SCFD2: variants seen among roughly 807,000 people sequenced by gnomAD.
The protein encoded by SCFD2 is sec1 family domain containing 2.
SCFD2 carries 54 observed loss-of-function variants against 58.9 expected under a neutral mutation model. The observed-to-expected ratio is 0.92, with a 90% CI of 0.74 to 1.15. The LOEUF (loss-of-function observed/expected upper bound fraction) is 1.15, where lower values mean the gene tolerates loss of function less well. SCFD2 is among the 50% of genes most tolerant of loss of function. The pLI is 0.00. For synonymous variants in SCFD2, 321 were observed against 335.9 expected, an observed-to-expected ratio of 0.96 and a Z score of 0.49; for missense variants, 805 against 836.6, an observed-to-expected ratio of 0.96 and a Z score of 0.47.
chr4:53,312,174 G>A (rs1732712652), intron 3 of SCFD2, among the ~76,000 whole-genome samples: 1 of 152,118 alleles, frequency 6.6e-6, no homozygotes, highest in South Asian at 2.1e-4. Flanking sequence ...GAGGGACCAG[G>A]CTAGGGCATG....
chr4:53,309,715 C>T (rs1351263392), intron 3 of SCFD2, among the ~76,000 whole-genome samples: 2 of 152,130 alleles, frequency 1.3e-5, no homozygotes, highest in African/African-American at 2.4e-5. Context: ...TGAATTAGTA[C>T]ATTTCCGAGA....
chr4:52,903,395 A>G (rs572758973), intron 7 of SCFD2, among the ~76,000 whole-genome samples: 1 of 152,286 alleles, frequency 6.6e-6, no homozygotes, highest in East Asian at 1.9e-4. Context: ...GGGTCACTGG[A>G]GTTCAGTGAT....
intron 3 of SCFD2, among the ~76,000 whole-genome samples, chr4:53,290,601 G>C (rs1321745654): frequency 6.6e-6 from 1 of 151,164 alleles, no homozygotes; most frequent in African/African-American, 2.4e-5. Context: ...GCAGAAACAA[G>C]GATATAATAA....
chr4:53,152,054 C>T (rs2148918815), intron 4 of SCFD2, among the ~76,000 whole-genome samples: 2 of 152,314 alleles, frequency 1.3e-5, no homozygotes, highest in South Asian at 4.1e-4. Flanking sequence ...CCACCAGGCC[C>T]CACCTCCAAC....
At chr4:53,238,177 G>A (rs1287442818) in intron 4 of SCFD2, among the ~76,000 whole-genome samples, 9 of 142,708 alleles carry the variant, frequency 6.3e-5, no homozygotes, top group African/African-American at 2.3e-4. Flanking sequence ...GCCGGGCGGG[G>A]GGCTGACCCC....
chr4:53,353,326 G>T (rs1381858600), intron 1 of SCFD2, among the ~76,000 whole-genome samples: 2 of 152,148 alleles, frequency 1.3e-5, no homozygotes, highest in African/African-American at 4.8e-5. Context: ...GGCCTTAGGA[G>T]TGAAGCTGCA....
At chr4:53,238,272 C>G (rs1256379070) in intron 4 of SCFD2, among the ~76,000 whole-genome samples, 1 of 101,390 alleles carries the variant, frequency 9.9e-6, no homozygotes, top group Non-Finnish European at 2.1e-5. Flanking sequence ...AGGCGCCCCT[C>G]ACCTCCTGGA....
intron 8 of SCFD2, among the ~76,000 whole-genome samples, chr4:52,882,606 C>G (rs1219704918): frequency 1.8e-4 from 27 of 152,128 alleles, no homozygotes; most frequent in Admixed American, 1.7e-3. Context: ...GGCAGAAGAA[C>G]GTGGAAAGAC....
chr4:53,142,428 T>C (rs1050260227), intron 5 of SCFD2, among the ~76,000 whole-genome samples: 2 of 152,220 alleles, frequency 1.3e-5, no homozygotes, highest in African/African-American at 4.8e-5. Context: ...GCATAAGGCA[T>C]ACAATAAATT....
intron 3 of SCFD2, among the ~76,000 whole-genome samples, chr4:53,281,580 CAA>C (rs1731511013): frequency 6.6e-6 from 1 of 152,254 alleles, no homozygotes; most frequent in East Asian, 1.9e-4. Flanking sequence ...GCAAAAGACT[CAA>C]GAGGCTACCC....
chr4:53,195,942 TCTTTC>T (rs1432166025), intron 4 of SCFD2, among the ~76,000 whole-genome samples: 2 of 152,160 alleles, frequency 1.3e-5, no homozygotes, highest in South Asian at 2.1e-4. Flanking sequence ...CAAATGGTAA[TCTTTC>T]CTTTCAGCCT....
intron 4 of SCFD2, among the ~76,000 whole-genome samples, chr4:53,212,380 C>T (rs1257125980): frequency 1.3e-5 from 2 of 151,866 alleles, no homozygotes; most frequent in Non-Finnish European, 1.5e-5. Context: ...AATCAATTAC[C>T]TAGTCAGCAG....
chr4:53,266,055 C>G (rs189606873), intron 4 of SCFD2, among the ~76,000 whole-genome samples: 1 of 152,064 alleles, frequency 6.6e-6, no homozygotes, highest in Non-Finnish European at 1.5e-5. Flanking sequence ...GGAAAAAAAG[C>G]TTTTTTCTTG....
chr4:53,166,911 C>T (rs1727026037), intron 4 of SCFD2, among the ~76,000 whole-genome samples: 1 of 151,452 alleles, frequency 6.6e-6, no homozygotes, highest in African/African-American at 2.4e-5. Context: ...CATTTGGTAG[C>T]ATTTGGGAAT....
intron 5 of SCFD2, among the ~76,000 whole-genome samples, chr4:53,039,000 T>G (rs1454049328): frequency 6.6e-6 from 1 of 152,174 alleles, no homozygotes; most frequent in East Asian, 1.9e-4. Flanking sequence ...TAAAGTATTT[T>G]AATACCGACA....
At chr4:53,236,892 G>A (rs1418354678) in intron 4 of SCFD2, among the ~76,000 whole-genome samples, 6 of 150,950 alleles carry the variant, frequency 4.0e-5, no homozygotes, top group African/African-American at 1.5e-4. Context: ...CACAGAGGGG[G>A]ATTTGGCAGG....
At position 53,145,420 on chromosome 4, in the gene SCFD2, A is replaced by G. The variant is rs144073681; in HGVS notation, c.1474T>C (p.Cys492Arg). Residue 492 changes from cysteine (C) to arginine (R), a missense_variant, in exon 5 of 9, where the codon TGT becomes CGT. Cys to Arg is a radical substitution (Grantham distance 180, BLOSUM62 -3). This residue lies in a region of SCFD2 where 633 missense variants were observed against 646.8 expected (regional missense o/e 0.98). Transcript: ENST00000401642. ...TTCTTGACTTTTTCTTCTGCTTCAC[A>G]CAGGTCTTTGTCTACCGTGAGCTCT... Reference protein sequence around the residue: ...TGELTVDKDLCEAEEKVKKAL... With the variant: ...TGELTVDKDLREAEEKVKKAL... 133 of 1,614,122 alleles carry G rather than the reference A, an allele frequency of 8.2e-5. No homozygotes were observed. The African/African-American group carries it at 1.6e-3, about 20-fold the overall frequency.
intron 4 of SCFD2, among the ~76,000 whole-genome samples, chr4:53,166,235 T>A (rs1727002972): frequency 6.6e-6 from 1 of 152,246 alleles, no homozygotes. Context: ...CTATAAACAT[T>A]GATGTATCAG....
intron 2 of SCFD2, among the ~76,000 whole-genome samples, chr4:53,325,565 T>C (rs1288336509): frequency 6.6e-6 from 1 of 152,194 alleles, no homozygotes; most frequent in African/African-American, 2.4e-5. Flanking sequence ...GTAAATGAAC[T>C]AAAAGGCATC....
Sources: allele counts gnomAD v4.1 joint callset (sites outside exome capture counted in the v4.1 genomes callset), GRCh38; gene constraint gnomAD v4.1.1; regional missense constraint gnomAD v4.1.1; transcripts MANE v1.5; gene names NCBI Gene and HGNC (gene_info 2026-07-23, HGNC 2026-07-21).